MCF2L: variants seen among roughly 807,000 people sequenced by gnomAD.
MCF2L encodes MCF.2 cell line derived transforming sequence like.
In MCF2L, 97 loss-of-function variants were observed where a neutral mutation model predicts 153.4. The ratio of observed to expected loss-of-function variants is 0.63; its 90% CI spans 0.54 to 0.75. MCF2L has a LOEUF of 0.75. MCF2L is among the 30% of genes least tolerant of loss of function. The pLI is 0.00. For missense variants in MCF2L, 1,347 were observed against 1,495.2 expected (o/e 0.90, Z 1.64); for synonymous variants, 659 against 632.2 (o/e 1.04, Z -0.64).
At chr13:113,023,971 A>G (rs1486728940) in intron 2 of MCF2L, among the ~76,000 whole-genome samples, 1 of 152,248 alleles carries the variant, frequency 6.6e-6, no homozygotes, top group Admixed American at 6.5e-5. Flanking sequence ...ACTTCCGCTG[A>G]GTCCTGTGGG....
Position 113,053,683 on chromosome 13 carries a change from A to G in MCF2L, c.370-6910A>G, listed in dbSNP as rs573885612. The stretch of plus-strand genomic sequence containing the variant: ...AATGGGTGGTTCGGTGGTGGTTGCC[A>G]CAGGGCTGTGTTTTCAAGGGGAGCA... On this transcript the variant is annotated intron_variant, in intron 4 of 29. Coordinates refer to ENST00000535094, the MANE Select transcript of MCF2L (RefSeq NM_001112732.3). The surrounding 1 kb of genome is among the most constrained non-coding windows in gnomAD (Gnocchi z 4.4). Among the ~76,000 whole-genome samples, 55 of 152,288 alleles carry G rather than the reference A, an allele frequency of 3.6e-4. No individual in the cohort carries two copies. The highest frequency in any genetic ancestry group is 6.0e-4 in the Non-Finnish European group (41 of 68,022).
chr13:113,017,420 C>G (rs2084603532), intron 2 of MCF2L, among the ~76,000 whole-genome samples: 1 of 152,204 alleles, frequency 6.6e-6, no homozygotes, highest in Admixed American at 6.5e-5. Context: ...AGCCCCTCTG[C>G]CTTTCTCCCG....
At chr13:113,036,617 C>T (rs577822094) in intron 3 of MCF2L, among the ~76,000 whole-genome samples, 308 of 152,348 alleles carry the variant, frequency 2.0e-3, no homozygotes, top group Non-Finnish European at 3.3e-3. Flanking sequence ...GAAGGACGCG[C>T]TGTCCCGGCC....
chr13:112,894,946 G>GGGC (rs2140478591), intron 1 of MCF2L, among the ~76,000 whole-genome samples: 1 of 102,376 alleles, frequency 9.8e-6, no homozygotes, highest in African/African-American at 3.2e-5. Flanking sequence ...GCTGGGGACA[G>GGGC]TGCTGGAGGG....
intron 1 of MCF2L, among the ~76,000 whole-genome samples, chr13:112,994,826 G>T (rs943504228): frequency 6.6e-6 from 1 of 152,250 alleles, no homozygotes; most frequent in Non-Finnish European, 1.5e-5. Context: ...CACCGAGGTT[G>T]GGGGCTGCGC....
At chr13:112,919,696 T>C (rs1220274959) in intron 2 of MCF2L, among the ~76,000 whole-genome samples, 2 of 152,200 alleles carry the variant, frequency 1.3e-5, no homozygotes, top group Non-Finnish European at 2.9e-5. Context: ...AGTCTTTTCT[T>C]AGCTAGTTTA....
upstream of MCF2L, among the ~76,000 whole-genome samples, chr13:112,966,766 G>C (rs1368201865): frequency 6.6e-6 from 1 of 152,194 alleles, no homozygotes; most frequent in African/African-American, 2.4e-5. This position sits in a 1 kb window ranked among gnomAD's most constrained non-coding sequence, Gnocchi z 4.1. Context: ...CAGAGGGTGT[G>C]GCCCTTTCCT....
intron 5 of MCF2L, among the ~76,000 whole-genome samples, chr13:113,061,342 G>C (rs1401144004): frequency 6.6e-6 from 1 of 152,150 alleles, no homozygotes; most frequent in Non-Finnish European, 1.5e-5. Flanking sequence ...CTTAGAGCCT[G>C]TGGAGCCCGG....
At position 113,053,970 on chromosome 13, in the gene MCF2L, C is replaced by T. The variant is rs577311539; in HGVS notation, c.370-6623C>T. 3.9e-5 allele frequency among the ~76,000 whole-genome samples: 6 copies of T among 152,216 alleles called. No individual in the cohort carries two copies. The highest frequency in any genetic ancestry group is 5.9e-5 in the Non-Finnish European group (4 of 68,022). On this transcript the variant is annotated intron_variant, in intron 4 of 29. Transcript: ENST00000535094. This position sits in a 1 kb window ranked among gnomAD's most constrained non-coding sequence, Gnocchi z 4.4. ...GATGGGAGCTCAGTTCACACGGCTCCGAATCGGCGAAACGCAACCAACGCT... is the reference window on the plus strand; with the variant it reads ...GATGGGAGCTCAGTTCACACGGCTCTGAATCGGCGAAACGCAACCAACGCT...
chr13:112,911,065 C>T (rs1191012900), intron 2 of MCF2L, among the ~76,000 whole-genome samples: 5 of 152,202 alleles, frequency 3.3e-5, no homozygotes, highest in African/African-American at 1.2e-4. Context: ...CTGGCCGCTC[C>T]CCGGCGTCAG....
At chr13:113,078,471 C>G (rs367694653) in intron 14 of MCF2L, 35 bp downstream of exon 14, 7 of 1,572,266 alleles carry the variant, frequency 4.5e-6, no homozygotes, top group South Asian at 3.4e-5. Context: ...GCCATCCACA[C>G]CCCCCTCCTT....
At chr13:113,048,121 C>T (rs193133214) in intron 4 of MCF2L, among the ~76,000 whole-genome samples, 98 of 152,336 alleles carry the variant, frequency 6.4e-4, no homozygotes, top group African/African-American at 2.2e-3. Flanking sequence ...CACAGCAGAC[C>T]CGTGATTTAG....
intron 13 of MCF2L, 46 bp downstream of exon 13, chr13:113,077,257 G>T: frequency 6.8e-7 from 1 of 1,468,892 alleles, no homozygotes. Flanking sequence ...GACCCTCGGG[G>T]GAGCCCCGGG....
intron 2 of MCF2L, among the ~76,000 whole-genome samples, chr13:113,022,797 G>C (rs2084975600): frequency 6.6e-6 from 1 of 152,250 alleles, no homozygotes; most frequent in African/African-American, 2.4e-5. Flanking sequence ...GGGGAGGCTT[G>C]TCGTACTCGC....
At chr13:112,971,949 A>T (rs138035683) in intron 1 of MCF2L, among the ~76,000 whole-genome samples, 24 of 152,386 alleles carry the variant, frequency 1.6e-4, no homozygotes, top group African/African-American at 5.8e-4. Context: ...TGGTCCTCCA[A>T]CTACAGCATG....
In MCF2L at chr13:112,993,048, G is replaced by A. The variant is rs2082954779; in HGVS notation, c.80-21715G>A. Among the ~76,000 whole-genome samples, 1 of 152,254 alleles carries A rather than the reference G, an allele frequency of 6.6e-6. No individual in the cohort carries two copies. The highest frequency in any genetic ancestry group is 1.5e-5 in the Non-Finnish European group (1 of 68,038). On this transcript the variant is annotated intron_variant, in intron 1 of 29. Transcript: ENST00000535094. This position sits in a 1 kb window ranked among gnomAD's most constrained non-coding sequence, Gnocchi z 4.6. ...TCCATGGGCCATGGGGGTGAGGAGA[G>A]AGCGGCTCGCTGCCTTGAGAAGCTC...
At chr13:112,954,462 C>T (rs189068608) in intron 2 of MCF2L, among the ~76,000 whole-genome samples, 4 of 152,354 alleles carry the variant, frequency 2.6e-5, no homozygotes, top group East Asian at 3.9e-4. Context: ...GGAGGACCTG[C>T]GGTCATTTTC....
chr13:113,019,090 C>T (rs942266997), intron 2 of MCF2L, among the ~76,000 whole-genome samples: 1 of 152,220 alleles, frequency 6.6e-6, no homozygotes, highest in East Asian at 1.9e-4. Context: ...CTTCCCCAAG[C>T]GCTCGCTGCA....
chr13:112,894,751 A>G (rs2081049632), intron 1 of MCF2L, among the ~76,000 whole-genome samples: 1 of 152,120 alleles, frequency 6.6e-6, no homozygotes, highest in South Asian at 2.1e-4. Context: ...ACACCCCGGC[A>G]GGTGTCACCC....
Sources: gnomAD v4.1 joint callset for allele counts (sites outside exome capture counted in the v4.1 genomes callset) on GRCh38, gnomAD v4.1.1 for gene constraint, Gnocchi (gnomAD v3.1) non-coding constraint, MANE v1.5 for transcripts, NCBI Gene and HGNC (gene_info 2026-07-23, HGNC 2026-07-21) for gene names.